Variants in CA7 observed in about 807,000 individuals in gnomAD.
CA7 encodes the protein carbonate dehydratase VII.
CA7 carries 13 observed loss-of-function variants against 31.4 expected under a neutral mutation model. The ratio of observed to expected loss-of-function variants is 0.41; its 90% confidence interval spans 0.27 to 0.66. The LOEUF (loss-of-function observed/expected upper bound fraction) is 0.66, where lower values mean the gene tolerates loss of function less well. Among genes scored for constraint, CA7 ranks in the 30% least tolerant of loss-of-function variants. The pLI is 0.28. For missense variants in CA7, 215 were observed against 351.0 expected, an observed-to-expected ratio of 0.61 and a Z score of 3.10; for synonymous variants, 128 against 133.2, an observed-to-expected ratio of 0.96 and a Z score of 0.27.
intron 1 of CA7, among the ~76,000 whole-genome samples, chr16:66,846,174 G>GGTGTGTGTGT (rs4000639): frequency 6.8e-6 from 1 of 147,460 alleles, no homozygotes; most frequent in African/African-American, 2.5e-5. Flanking sequence ...TGTGTATGCA[G>GGTGTGTGTGT]GTGTGTGTGT....
chr16:66,848,060 C>A (rs1960964890), intron 2 of CA7, among the ~76,000 whole-genome samples: 1 of 152,108 alleles, frequency 6.6e-6, no homozygotes, highest in African/African-American at 2.4e-5. Flanking sequence ...CTCCTTCTCC[C>A]CTCCCCACAA....
Position 66,850,557 on chromosome 16 carries a change from C to G in CA7, c.255C>G (p.Pro85=), listed in dbSNP as rs775356809. 1.2e-6 allele frequency: 2 copies of G among 1,612,556 alleles called. No individual in the cohort carries two copies. The highest frequency in any genetic ancestry group is 1.7e-6 in the Non-Finnish European group (2 of 1,178,624). ...SDDRTVVTGG[P]LEGPYRLKQF... Reference sequence around the variant, plus strand: ...TACCCACAGTGGTGACTGGGGGCCCCCTGGAAGGGCCCTACCGCCTCAAGC... The same window carrying G: ...TACCCACAGTGGTGACTGGGGGCCCGCTGGAAGGGCCCTACCGCCTCAAGC... Residue 85 remains proline, a synonymous_variant, in exon 3 of 7, where the codon CCC becomes CCG. Coordinates refer to ENST00000338437, the MANE Select transcript of CA7 (RefSeq NM_005182.3).
chr16:66,852,581 GAAAAGAAAAAAAAAAGAAAAGAAAAGAA>G lies in CA7; in HGVS notation c.517-121_517-94del, dbSNP rs1393261007. ...AAGAAAGAAAGAAAAAGAAAGAAAA[GAAAAGAAAAAAAAAAGAAAAGAAAAGAA>G]AAAAGAAAAGAAAAAAGAAAGAAAG... is the stretch of plus-strand genomic sequence containing the variant. On this transcript the variant is annotated intron_variant, in intron 5 of 6. Coordinates refer to ENST00000338437, the MANE Select transcript of CA7 (RefSeq NM_005182.3). 7.6e-4 allele frequency: 362 copies of G among 475,230 alleles called. 1 individual carries two copies. In the African/African-American group the frequency reaches 0.014, roughly 18 times the overall value. 29.4% of individuals were successfully genotyped at this position (475,230 alleles called of 1,614,324 possible).
At position 66,850,529 on chromosome 16, in the gene CA7, T is replaced by A; in HGVS notation, c.239-12T>A. ...TCCTACTCATTGCCACTCGCCCCAC[T>A]TCTACCCACAGTGGTGACTGGGGGC... On this transcript the variant is annotated splice_polypyrimidine_tract_variant and intron_variant, in intron 2 of 6. Transcript: ENST00000338437. 1 of 1,510,272 alleles carries A rather than the reference T, an allele frequency of 6.6e-7. No homozygotes were observed. Among genetic ancestry groups the A allele is most frequent in the Non-Finnish European group, 9.2e-7 (1 of 1,085,234 alleles). The allele number at this position is 1,510,272 out of a possible 1,614,324, so 93.6% of individuals were successfully genotyped here. A position where few individuals can be genotyped will look rare whatever the true frequency, so the allele number is the denominator to read the frequency against.
intron 1 of CA7, among the ~76,000 whole-genome samples, chr16:66,846,186 T>C (rs1412397819): frequency 6.6e-6 from 1 of 151,758 alleles, no homozygotes; most frequent in Non-Finnish European, 1.5e-5. Context: ...TGTGTGTGTG[T>C]GTGTGTGTGT....
intron 1 of CA7, among the ~76,000 whole-genome samples, chr16:66,846,806 T>A (rs536257043): frequency 6.6e-6 from 1 of 152,208 alleles, no homozygotes; most frequent in East Asian, 1.9e-4. Context: ...GGGCCTCCTA[T>A]CAGCACTGGA....
At chr16:66,845,267 G>C (rs1198614513) in intron 1 of CA7, 1 of 982,068 alleles carries the variant, frequency 1.0e-6, no homozygotes, top group African/African-American at 1.7e-5. Context: ...GTGGGTCTGG[G>C]GCAGTCAATT....
chr16:66,853,373 A>C lies in CA7; in HGVS notation c.673-3A>C, dbSNP rs745904643. The C allele has an allele frequency of 1.5e-5, 25 of 1,613,960 alleles. No individual in the cohort carries two copies. The highest frequency in any genetic ancestry group is 1.6e-5 in the Non-Finnish European group (19 of 1,180,002). ...CCCTGAGCATTCCTTCTGCTTCCTC[A>C]AGATGGGGAAGTTCCGGAGCCTGCT... On this transcript the variant is annotated splice_region_variant and splice_polypyrimidine_tract_variant and intron_variant, in intron 6 of 6. Transcript: ENST00000338437. This position sits in a 1 kb window ranked among gnomAD's most constrained non-coding sequence, Gnocchi z 4.5.
chr16:66,850,768 G>A (rs1228669981), intron 3 of CA7, 109 bp downstream of exon 3: 1 of 779,268 alleles, frequency 1.3e-6, no homozygotes, highest in South Asian at 1.4e-5. Context: ...AGGGGGAAGA[G>A]GAGCACCCGG....
chr16:66,850,657 G>A lies in CA7; in HGVS notation c.355G>A (p.Glu119Lys). The change falls in exon 3 of 7, where the codon GAG (glutamate) becomes AAG (lysine). Residue 119 changes from glutamate (E) to lysine (K), a missense_variant and splice_region_variant. Coordinates refer to ENST00000338437, the MANE Select transcript of CA7 (RefSeq NM_005182.3). ...HTVDGKSFPS[E>K]LHLVHWNAKK... ...GGTGGACGGCAAGTCCTTCCCCAGC[G>A]AGGTACGGGCCCTCCTCCACTTGAA... The A allele has an allele frequency of 6.3e-7, 1 of 1,598,786 alleles. No individual in the cohort carries two copies.
chr16:66,846,174 GGTGT>G (rs4000639), intron 1 of CA7, among the ~76,000 whole-genome samples: 2,513 of 147,400 alleles, frequency 0.017, 18 homozygotes, highest in African/African-American at 0.029. Context: ...TGTGTATGCA[GGTGT>G]GTGTGTGTGT....
In CA7 at chr16:66,853,553, G is replaced by A. The variant is rs1287315866; in HGVS notation, c.*55G>A. On this transcript the variant is annotated 3_prime_UTR_variant, in exon 7 of 7. Transcript: ENST00000338437. This position sits in a 1 kb window ranked among gnomAD's most constrained non-coding sequence, Gnocchi z 4.5. ...GCACCATCTTCTCAAGGGCTTCCAT[G>A]TCAGCAGACACCAAACCATCTGAGG... 1 of 1,604,422 alleles carries A rather than the reference G, an allele frequency of 6.2e-7. No homozygotes were observed.
Position 66,853,499 on chromosome 16 carries a change from G to A in CA7, c.*1G>A. The A allele has an allele frequency of 6.2e-7, 1 of 1,613,866 alleles. No homozygotes were observed. Among genetic ancestry groups the A allele is most frequent in the Non-Finnish European group, 8.5e-7 (1 of 1,179,996 alleles). On this transcript the variant is annotated 3_prime_UTR_variant, in exon 7 of 7. Transcript: ENST00000338437. This position sits in a 1 kb window ranked among gnomAD's most constrained non-coding sequence, Gnocchi z 4.5. ...GGTAAAGGCCTCCTTCCGGGCCTGA[G>A]CTGCCCATCTGCCTAGCCGGCCACT...
chr16:66,847,989 C>T (rs761533661), intron 2 of CA7, among the ~76,000 whole-genome samples: 15 of 152,110 alleles, frequency 9.9e-5, no homozygotes, highest in Non-Finnish European at 1.9e-4. Flanking sequence ...TGGAATGGGG[C>T]GAGGAAGAAA....
intron 3 of CA7, 119 bp downstream of exon 3, chr16:66,850,778 G>A: frequency 1.4e-6 from 1 of 724,614 alleles, no homozygotes; most frequent in Admixed American, 2.0e-5. Flanking sequence ...GGAGCACCCG[G>A]GGCCTTTGGG....
At position 66,853,525 on chromosome 16, in the gene CA7, A is replaced by G; in HGVS notation, c.*27A>G. ...CTGCCCATCTGCCTAGCCGGCCACT[A>G]GGGCACCATCTTCTCAAGGGCTTCC... On this transcript the variant is annotated 3_prime_UTR_variant, in exon 7 of 7. Transcript: ENST00000338437. The surrounding 1 kb of genome is among the most constrained non-coding windows in gnomAD (Gnocchi z 4.5). 1 of 1,612,778 alleles carries G rather than the reference A, an allele frequency of 6.2e-7. No homozygotes were observed. Among genetic ancestry groups the G allele is most frequent in the Non-Finnish European group, 8.5e-7 (1 of 1,179,708 alleles).
At chr16:66,850,932 G>A (rs1350339552) in intron 3 of CA7, among the ~76,000 whole-genome samples, 1 of 152,156 alleles carries the variant, frequency 6.6e-6, no homozygotes, top group African/African-American at 2.4e-5. Context: ...TAAGGGTTGA[G>A]CCCAGTATTC....
At chr16:66,852,614 GAAAAGAAA>G in intron 5 of CA7, 90 bp from the exon 6 acceptor site, 2 of 818,610 alleles carry the variant, frequency 2.4e-6, no homozygotes, top group African/African-American at 1.8e-5. Flanking sequence ...AAAGAAAAAA[GAAAAGAAA>G]AAAGAAAGAA....
intron 2 of CA7, among the ~76,000 whole-genome samples, chr16:66,850,115 T>C (rs1597062336): frequency 2.1e-5 from 2 of 94,318 alleles, no homozygotes; most frequent in African/African-American, 4.7e-5. Context: ...AGAGCGAGAC[T>C]CCATCTCAAA....
Sources: gnomAD v4.1 joint callset for allele counts (sites outside exome capture counted in the v4.1 genomes callset) on GRCh38, gnomAD v4.1.1 for gene constraint, Gnocchi (gnomAD v3.1) non-coding constraint, MANE v1.5 for transcripts, NCBI Gene and HGNC (gene_info 2026-07-23, HGNC 2026-07-21) for gene names.